The following HEATR5B variants were observed in gnomAD, a reference collection of about 807,000 sequenced individuals.
HEATR5B encodes HEAT repeat containing 5B.
Under a neutral mutation model 224.1 loss-of-function variants are expected in HEATR5B, and 156 were observed. That is an observed-to-expected ratio of 0.70 (90% CI 0.61 to 0.80). The LOEUF (loss-of-function observed/expected upper bound fraction) is 0.80, where lower values mean the gene tolerates loss of function less well. Among genes scored for constraint, HEATR5B ranks in the 30% least tolerant of loss-of-function variants. The pLI, the probability that HEATR5B is intolerant of heterozygous loss-of-function variation, is 0.00. For synonymous variants in HEATR5B, 1,027 were observed against 893.0 expected (o/e 1.15, Z -2.68); for missense variants, 2,323 against 2,535.5 (o/e 0.92, Z 1.80).
At chr2:37,001,696 C>G (rs1046616101) in intron 32 of HEATR5B, among the ~76,000 whole-genome samples, 28 of 150,378 alleles carry the variant, frequency 1.9e-4, no homozygotes, top group African/African-American at 6.1e-4. Context: ...GAGAGTCTTG[C>G]TCTGTCGCTG....
rs77090385 is a variant in HEATR5B, at chr2:37,016,773, G to A, written c.4105-2753C>T. Among the ~76,000 whole-genome samples the A allele has an allele frequency of 6.5e-3, 990 of 152,046 alleles. 5 individuals are homozygous for A. Among genetic ancestry groups the A allele is most frequent in the African/African-American group, 0.016 (661 of 41,460 alleles). On this transcript the variant is annotated intron_variant, in intron 26 of 35. Coordinates refer to ENST00000233099, the MANE Select transcript of HEATR5B (RefSeq NM_019024.3). ...CCTATATTGAAAACGTTTTAAAAGT[G>A]GAGAATAAGTATTTATGTCAAATTT...
chr2:36,991,783 A>T (rs1471003907), intron 33 of HEATR5B, among the ~76,000 whole-genome samples: 2 of 152,216 alleles, frequency 1.3e-5, no homozygotes, highest in Non-Finnish European at 2.9e-5. Context: ...CCCAGTGATA[A>T]TCAGTACTTT....
chr2:37,019,668 G>A, intron 26 of HEATR5B, 141 bp downstream of exon 26: 1 of 595,206 alleles, frequency 1.7e-6, no homozygotes, highest in East Asian at 2.9e-5. Flanking sequence ...TGTTGGCCAG[G>A]CTGATCTCAA....
Position 37,049,805 on chromosome 2 carries a change from T to A in HEATR5B, c.2544A>T (p.Glu848Asp). 2.5e-6 allele frequency: 4 copies of A among 1,600,850 alleles called. No individual in the cohort carries two copies. The highest frequency in any genetic ancestry group is 3.4e-6 in the Non-Finnish European group (4 of 1,176,188). The change falls in exon 18 of 36, where the codon GAA becomes GAT. Residue 848 changes from glutamate to aspartate, a missense_variant. This residue lies in a region of HEATR5B where 170 missense variants were observed against 216.7 expected (regional missense o/e 0.78). Transcript: ENST00000233099. Reference sequence around the variant, plus strand: ...CCAGTGTCAGGGCAGATTTACGAACTTCCTCAGGTCCTAAAGTACTTTTGT... The same window carrying A: ...CCAGTGTCAGGGCAGATTTACGAACATCCTCAGGTCCTAAAGTACTTTTGT... ...AENKSTLGPE[E>D]VRKSALTLVM...
intron 18 of HEATR5B, among the ~76,000 whole-genome samples, chr2:37,046,235 T>C (rs924912385): frequency 2.0e-5 from 3 of 152,194 alleles, no homozygotes. Context: ...CTAGGAACAA[T>C]GCACCTAAAT....
rs1161325624 is a variant in HEATR5B, at chr2:37,040,629, T to C, written c.2857-111A>G. 4 of 696,720 alleles carry C rather than the reference T, an allele frequency of 5.7e-6. No individual in the cohort carries two copies. In the African/African-American group the frequency reaches 7.5e-5, roughly 13 times the overall value. 43.2% of individuals were successfully genotyped at this position (696,720 alleles called of 1,614,324 possible). On this transcript the variant is annotated intron_variant, in intron 19 of 35. Transcript: ENST00000233099. ...CTCTTAATATTTTTAGGCCTAACAA[T>C]GTGAAGTAGCAAATCCAGATTGTAG... is the stretch of plus-strand genomic sequence containing the variant.
chr2:37,010,253 C>G (rs779785206), intron 27 of HEATR5B, among the ~76,000 whole-genome samples: 1 of 152,068 alleles, frequency 6.6e-6, no homozygotes, highest in Non-Finnish European at 1.5e-5. Context: ...CTCGAGAAAA[C>G]TGTCTTCCCT....
At chr2:37,077,373 G>A (rs1228665092) in intron 3 of HEATR5B, among the ~76,000 whole-genome samples, 1 of 151,894 alleles carries the variant, frequency 6.6e-6, no homozygotes, top group Non-Finnish European at 1.5e-5. Context: ...CAGTGGTGTG[G>A]TCCTGGTTCA....
At chr2:37,075,747 C>A (rs146143837) in intron 4 of HEATR5B, 113 bp from the exon 5 acceptor site, 2 of 607,558 alleles carry the variant, frequency 3.3e-6, no homozygotes, top group Non-Finnish European at 2.7e-6. Flanking sequence ...AAATTATAAA[C>A]GGTAAATAAT....
chr2:37,076,882 AT>A, intron 4 of HEATR5B, 28 bp downstream of exon 4: 1 of 1,508,602 alleles, frequency 6.6e-7, no homozygotes, highest in East Asian at 2.3e-5. Flanking sequence ...ACAAGCAAAT[AT>A]TCAAATAATA....
chr2:37,048,970 T>A (rs535307290), intron 18 of HEATR5B, among the ~76,000 whole-genome samples: 1 of 152,258 alleles, frequency 6.6e-6, no homozygotes, highest in African/African-American at 2.4e-5. Context: ...TCTATATATA[T>A]GATAGCTAAG....
At chr2:37,051,354 CAAAAAAAAAAAAAAA>C (rs11313174) in intron 17 of HEATR5B, among the ~76,000 whole-genome samples, 1 of 66,040 alleles carries the variant, frequency 1.5e-5, no homozygotes, top group Non-Finnish European at 2.8e-5. Flanking sequence ...AACTCCATCT[CAAAAAAAAAAAAAAA>C]AAAAAAAAAG....
chr2:37,020,174 G>T (rs371259298), intron 25 of HEATR5B, among the ~76,000 whole-genome samples: 4 of 152,124 alleles, frequency 2.6e-5, no homozygotes, highest in African/African-American at 9.7e-5. Context: ...CAAAGTGCTG[G>T]GATTACAGGC....
intron 18 of HEATR5B, among the ~76,000 whole-genome samples, chr2:37,044,372 T>C (rs546221813): frequency 6.6e-6 from 1 of 152,356 alleles, no homozygotes; most frequent in Non-Finnish European, 1.5e-5. Flanking sequence ...AGATAGTACC[T>C]AGTCTTTGGG....
At chr2:37,016,899 C>T (rs192313612) in intron 26 of HEATR5B, among the ~76,000 whole-genome samples, 54 of 151,874 alleles carry the variant, frequency 3.6e-4, no homozygotes, top group Non-Finnish European at 6.3e-4. Context: ...ACTTAAAATG[C>T]CAGTCAAAAC....
In HEATR5B at chr2:37,084,287, A is replaced by C; in HGVS notation, c.-41T>G. The stretch of plus-strand genomic sequence containing the variant: ...ACCTCACCTCGTAGTCTGGAAGGGA[A>C]GATCAGCTGAGCTCCGGGGGTAGAA... On this transcript the variant is annotated 5_prime_UTR_variant, in exon 1 of 36. Coordinates refer to ENST00000233099, the MANE Select transcript of HEATR5B (RefSeq NM_019024.3). 2 of 392,796 alleles carry C rather than the reference A, an allele frequency of 5.1e-6. No individual in the cohort carries two copies. Among genetic ancestry groups the C allele is most frequent in the Non-Finnish European group, 9.0e-6 (2 of 222,812 alleles). 24.3% of individuals were successfully genotyped at this position (392,796 alleles called of 1,614,324 possible).
chr2:37,034,659 T>G (rs1441906230), intron 21 of HEATR5B, among the ~76,000 whole-genome samples: 1 of 143,448 alleles, frequency 7.0e-6, no homozygotes, highest in Non-Finnish European at 1.5e-5. Context: ...CAGGCTGGTG[T>G]GCAGTGTCAC....
chr2:36,982,098 G>T (rs976244595), intron 35 of HEATR5B, among the ~76,000 whole-genome samples: 2 of 151,706 alleles, frequency 1.3e-5, no homozygotes, highest in African/African-American at 4.8e-5. Flanking sequence ...AATGTATCTT[G>T]AGAGTAAGAT....
chr2:37,028,694 C>T lies in HEATR5B; in HGVS notation c.3588G>A (p.Leu1196=), dbSNP rs1668932189. The T allele has an allele frequency of 1.2e-6, 2 of 1,613,822 alleles. No homozygotes were observed. Among genetic ancestry groups the T allele is most frequent in the South Asian group, 2.2e-5 (2 of 91,062 alleles). The change falls in exon 23 of 36, where the codon CTG becomes CTA. Residue 1196 remains leucine (L), a synonymous_variant. Coordinates refer to ENST00000233099, the MANE Select transcript of HEATR5B (RefSeq NM_019024.3). ...TTAAATACTTACCACTAGAAGCTGC[C>T]AGGACATCTTTACAAAGCATTAGCC... ...SHWLMLCKDV[L]AASSDMSTAT... is the part of the protein sequence containing the mutation.
Sources: allele counts gnomAD v4.1 joint callset (sites outside exome capture counted in the v4.1 genomes callset), GRCh38; gene constraint gnomAD v4.1.1; regional missense constraint gnomAD v4.1.1; transcripts MANE v1.5; gene names NCBI Gene and HGNC (gene_info 2026-07-23, HGNC 2026-07-21).